The following TGFBR2 variants were observed in gnomAD, a reference collection of about 807,000 sequenced individuals.
TGFBR2 encodes TGF-beta receptor type-2.
A neutral mutation model predicts 49.0 loss-of-function variants in TGFBR2; 18 were observed. That is an observed-to-expected ratio of 0.37 (90% CI 0.25 to 0.54). The LOEUF (loss-of-function observed/expected upper bound fraction) is 0.54. TGFBR2 is among the 20% of genes least tolerant of loss of function. The probability of loss-of-function intolerance (pLI) is 0.85; values close to 1 mark genes in which losing one functional copy is unlikely to be tolerated. For synonymous variants in TGFBR2, 282 were observed against 275.9 expected (o/e 1.02, Z -0.22); for missense variants, 525 against 722.6 (o/e 0.73, Z 3.13).
At chr3:30,691,361 C>T in intron 6 of TGFBR2, 59 bp from the exon 7 acceptor site, 6 of 1,596,280 alleles carry the variant, frequency 3.8e-6, no homozygotes, top group Non-Finnish European at 5.1e-6. Context: ...AGCAGGCCAC[C>T]TTGCCTTCCG....
At chr3:30,614,115 CTTT>C (rs5847643) in intron 1 of TGFBR2, among the ~76,000 whole-genome samples, 4 of 120,626 alleles carry the variant, frequency 3.3e-5, no homozygotes, top group Non-Finnish European at 3.3e-5. Context: ...TTTTTCTTTC[CTTT>C]TTTTTTTTTT....
intron 1 of TGFBR2, among the ~76,000 whole-genome samples, chr3:30,631,863 A>G (rs956475583): frequency 6.6e-6 from 1 of 152,094 alleles, no homozygotes; most frequent in Non-Finnish European, 1.5e-5. Flanking sequence ...AAGCCCCCTC[A>G]TGGTCGATTC....
chr3:30,668,740 A>T (rs562344132), intron 3 of TGFBR2, among the ~76,000 whole-genome samples: 1 of 152,176 alleles, frequency 6.6e-6, no homozygotes, highest in African/African-American at 2.4e-5. Flanking sequence ...CTATACTTTT[A>T]AAATGCATTC....
Position 30,671,858 on chromosome 3 carries a change from T to C in TGFBR2, c.675T>C (p.Ser225=), listed in dbSNP as rs777865111. Residue 225 remains serine, a synonymous_variant, in exon 4 of 7, where the codon TCT becomes TCC. Transcript: ENST00000295754. ...HCAIILEDDR[S]DISSTCANNI... Reference sequence around the variant, plus strand: ...CCATCATCCTGGAAGATGACCGCTCTGACATCAGCTCCACGTGTGCCAACA... The same window carrying C: ...CCATCATCCTGGAAGATGACCGCTCCGACATCAGCTCCACGTGTGCCAACA... The C allele has an allele frequency of 5.0e-6, 8 of 1,614,226 alleles. No homozygotes were observed. The highest frequency in any genetic ancestry group is 5.9e-6 in the Non-Finnish European group (7 of 1,180,030).
chr3:30,675,559 G>T (rs186794682), intron 5 of TGFBR2, among the ~76,000 whole-genome samples: 1 of 152,134 alleles, frequency 6.6e-6, no homozygotes, highest in Admixed American at 6.5e-5. Context: ...GCTAATATTT[G>T]TATTTTTAGT....
intron 3 of TGFBR2, among the ~76,000 whole-genome samples, chr3:30,654,186 G>A (rs1223861925): frequency 6.6e-6 from 1 of 152,162 alleles, no homozygotes; most frequent in African/African-American, 2.4e-5. Flanking sequence ...ATGGTGCAGA[G>A]ATTTAACATT....
chr3:30,641,035 C>G (rs934015818), intron 1 of TGFBR2, among the ~76,000 whole-genome samples: 1 of 152,176 alleles, frequency 6.6e-6, no homozygotes, highest in Non-Finnish European at 1.5e-5. Context: ...ATGTCCCATA[C>G]AGCAAATGAC....
chr3:30,606,819 G>A lies in TGFBR2; in HGVS notation c.-65G>A. The A allele has an allele frequency of 8.4e-6, 10 of 1,186,852 alleles. No homozygotes were observed. The highest frequency in any genetic ancestry group is 1.1e-5 in the Non-Finnish European group (10 of 916,084). The allele number at this position is 1,186,852 out of a possible 1,614,324, so 73.5% of individuals were successfully genotyped here. On this transcript the variant is annotated 5_prime_UTR_variant, in exon 1 of 7. Coordinates refer to ENST00000295754, the MANE Select transcript of TGFBR2 (RefSeq NM_003242.6). ...AGGGCGCGGCGCGGAGGCGCAGCCAGGGGTCCGGGAAGGCGCCGTCCGCTG... is the reference window on the plus strand; with the variant it reads ...AGGGCGCGGCGCGGAGGCGCAGCCAAGGGTCCGGGAAGGCGCCGTCCGCTG...
chr3:30,611,782 G>C (rs1698034261), intron 1 of TGFBR2, among the ~76,000 whole-genome samples: 1 of 152,042 alleles, frequency 6.6e-6, no homozygotes, highest in Non-Finnish European at 1.5e-5. Context: ...ATATTATTTA[G>C]GTCTGATGCA....
chr3:30,643,765 G>C (rs759778199), intron 1 of TGFBR2, among the ~76,000 whole-genome samples: 1 of 152,218 alleles, frequency 6.6e-6, no homozygotes, highest in Non-Finnish European at 1.5e-5. Context: ...TTACATTTTT[G>C]TGGATAGATT....
At chr3:30,665,081 A>G (rs911612269) in intron 3 of TGFBR2, among the ~76,000 whole-genome samples, 3 of 152,230 alleles carry the variant, frequency 2.0e-5, no homozygotes, top group Non-Finnish European at 2.9e-5. Flanking sequence ...AGATGCCAAG[A>G]GAGATTCTTG....
intron 3 of TGFBR2, among the ~76,000 whole-genome samples, chr3:30,660,244 T>G (rs943763306): frequency 6.6e-6 from 1 of 152,192 alleles, no homozygotes; most frequent in African/African-American, 2.4e-5. Context: ...ATTATTCCCA[T>G]GTCTTTCATT....
chr3:30,687,261 C>T (rs1004547255), intron 5 of TGFBR2, among the ~76,000 whole-genome samples: 5 of 152,140 alleles, frequency 3.3e-5, no homozygotes, highest in African/African-American at 7.2e-5. Flanking sequence ...GGAAAATTAT[C>T]GTTTTAAAAT....
chr3:30,663,160 G>T (rs1428968147), intron 3 of TGFBR2, among the ~76,000 whole-genome samples: 2 of 152,048 alleles, frequency 1.3e-5, no homozygotes, highest in African/African-American at 4.8e-5. Flanking sequence ...GCATATATGT[G>T]AGTGCTTAGC....
intron 1 of TGFBR2, among the ~76,000 whole-genome samples, chr3:30,628,060 T>C (rs745691201): frequency 5.3e-5 from 8 of 152,122 alleles, no homozygotes; most frequent in Middle Eastern, 6.8e-3. Context: ...GAAATACTAC[T>C]TAGTAGTGCA....
At position 30,650,547 on chromosome 3, in the gene TGFBR2, C is replaced by T. The variant is rs1575146679; in HGVS notation, c.454+87C>T. 3.6e-6 allele frequency: 5 copies of T among 1,391,378 alleles called. No homozygotes were observed. In the East Asian group the frequency reaches 1.1e-4, roughly 32 times the overall value. 86.2% of individuals were successfully genotyped at this position (1,391,378 alleles called of 1,614,324 possible). A position where few individuals can be genotyped will look rare whatever the true frequency, so the allele number is the denominator to read the frequency against. The stretch of plus-strand genomic sequence containing the variant: ...GTCTGCAGTGTCATAGAGCACATTC[C>T]TCCTGTGGTGGATTGCATACAGTGG... On this transcript the variant is annotated intron_variant, in intron 3 of 6. Transcript: ENST00000295754.
At chr3:30,637,468 C>T (rs1354882084) in intron 1 of TGFBR2, among the ~76,000 whole-genome samples, 1 of 152,148 alleles carries the variant, frequency 6.6e-6, no homozygotes, top group Non-Finnish European at 1.5e-5. Flanking sequence ...GCTGGGTCAC[C>T]CCATTGGCCA....
intron 5 of TGFBR2, among the ~76,000 whole-genome samples, chr3:30,684,583 G>A (rs1012371561): frequency 1.3e-5 from 2 of 152,146 alleles, no homozygotes. Flanking sequence ...AGGCAGAAGA[G>A]TCATAAATTC....
At chr3:30,687,425 C>T (rs1015940776) in intron 5 of TGFBR2, among the ~76,000 whole-genome samples, 1 of 152,068 alleles carries the variant, frequency 6.6e-6, no homozygotes, top group Non-Finnish European at 1.5e-5. Context: ...GAGGATCTCG[C>T]TATGTTGCCC....
Sources: gnomAD v4.1 joint callset for allele counts (sites outside exome capture counted in the v4.1 genomes callset) on GRCh38, gnomAD v4.1.1 for gene constraint, MANE v1.5 for transcripts, NCBI Gene and HGNC (gene_info 2026-07-23, HGNC 2026-07-21) for gene names.